The following TUSC3 variants were observed in gnomAD, a reference collection of about 807,000 sequenced individuals.
TUSC3 encodes dolichyl-diphosphooligosaccharide--protein glycosyltransferase subunit TUSC3.
Under a neutral mutation model 44.8 loss-of-function variants are expected in TUSC3, and 45 were observed. The ratio of observed to expected loss-of-function variants is 1.00; its 90% CI spans 0.79 to 1.29. The LOEUF (loss-of-function observed/expected upper bound fraction) is 1.29, where lower values mean the gene tolerates loss of function less well. Among genes scored for constraint, TUSC3 ranks in the 50% most tolerant of loss-of-function variants. The probability of loss-of-function intolerance (pLI) is 0.00; values close to 1 mark genes in which losing one functional copy is unlikely to be tolerated. For missense variants in TUSC3, 519 were observed against 437.9 expected (o/e 1.19, Z -1.65); for synonymous variants, 212 against 152.9 (o/e 1.39, Z -2.85).
chr8:15,477,164 A>G lies in TUSC3; in HGVS notation n.92-6222A>G, dbSNP rs143733823. ...TCTTTTGATTTAGTTCTGGGAAGTC[A>G]GCATGAATCGACCTTAGGTTCCCTG... is the stretch of plus-strand genomic sequence containing the variant. On this transcript the variant is annotated intron_variant and non_coding_transcript_variant, in intron 1 of 5. Transcript: ENST00000503191. Among the ~76,000 whole-genome samples, 311 of 152,296 alleles carry G rather than the reference A, an allele frequency of 2.0e-3. 1 individual carries two copies. Among genetic ancestry groups the G allele is most frequent in the African/African-American group, 6.8e-3 (281 of 41,578 alleles).
At chr8:15,664,509 G>A (rs1032161094) in intron 5 of TUSC3, among the ~76,000 whole-genome samples, 9 of 148,486 alleles carry the variant, frequency 6.1e-5, no homozygotes, top group Non-Finnish European at 3.0e-5. Context: ...ATCTTGGAAA[G>A]CGAATTAACT....
the TUSC3 span, among the ~76,000 whole-genome samples, chr8:15,846,981 G>A: frequency 6.6e-6 from 1 of 151,930 alleles, no homozygotes; most frequent in East Asian, 1.9e-4. Context: ...CTAACTCTCA[G>A]ACTCACAAGC....
At chr8:15,617,466 A>T (rs1341600273) in intron 1 of TUSC3, among the ~76,000 whole-genome samples, 1 of 152,028 alleles carries the variant, frequency 6.6e-6, no homozygotes, top group African/African-American at 2.4e-5. Context: ...GCCACACATT[A>T]ATATGGATGC....
At chr8:15,421,648 G>A (rs1031352768) in intron 1 of TUSC3, among the ~76,000 whole-genome samples, 2 of 152,032 alleles carry the variant, frequency 1.3e-5, no homozygotes, top group South Asian at 4.1e-4. Flanking sequence ...TTTGCGTTTT[G>A]TCCACTAATG....
In TUSC3 at chr8:15,511,404, G is replaced by C. The variant is rs113638534; in HGVS notation, n.189+27921G>C. 4.8e-3 allele frequency among the ~76,000 whole-genome samples: 730 copies of C among 152,256 alleles called. 9 individuals are homozygous for C. Among genetic ancestry groups the C allele is most frequent in the African/African-American group, 0.015 (634 of 41,544 alleles). On this transcript the variant is annotated intron_variant and non_coding_transcript_variant, in intron 2 of 5. Coordinates refer to the TUSC3 transcript ENST00000503191. ...AAAATGTGATGGAATATACAAAATA[G>C]TTACTAGAAATATGTGAATTTAGCA...
At chr8:15,671,285 T>C (rs1164111010) in intron 5 of TUSC3, among the ~76,000 whole-genome samples, 1 of 152,010 alleles carries the variant, frequency 6.6e-6, no homozygotes, top group Non-Finnish European at 1.5e-5. Context: ...AATCTAGCTG[T>C]AACTATGAAT....
intron 1 of TUSC3, among the ~76,000 whole-genome samples, chr8:15,461,805 G>A (rs1219509037): frequency 6.6e-6 from 1 of 151,064 alleles, no homozygotes; most frequent in African/African-American, 2.4e-5. Flanking sequence ...TTAAAAGATA[G>A]CAAAAATAAA....
In TUSC3 at chr8:15,752,071, A is replaced by AT. The variant is rs545395810; in HGVS notation, c.1028+3607dup. Among the ~76,000 whole-genome samples, 104 of 152,304 alleles carry AT rather than the reference A, an allele frequency of 6.8e-4. No individual in the cohort carries two copies. In the East Asian group the frequency reaches 0.013, roughly 19 times the overall value. On this transcript the variant is annotated intron_variant, in intron 9 of 10. Coordinates refer to ENST00000503731, the MANE Select transcript of TUSC3 (RefSeq NM_006765.4). ...CATCCATGAACCGGGGAATAACAAT[A>AT]TAAAGTGTCACAAGCTAAGTGGCTG...
At chr8:15,842,600 A>T in the TUSC3 span, among the ~76,000 whole-genome samples, 1 of 152,172 alleles carries the variant, frequency 6.6e-6, no homozygotes, top group South Asian at 2.1e-4. Flanking sequence ...ATGCAAAGCA[A>T]GATTTGTACA....
At chr8:15,816,055 G>C in the TUSC3 span, among the ~76,000 whole-genome samples, 1 of 152,120 alleles carries the variant, frequency 6.6e-6, no homozygotes, top group African/African-American at 2.4e-5. Context: ...AGTTTACCCA[G>C]TGTATTGTGT....
In TUSC3 at chr8:15,477,723, A is replaced by T. The variant is rs142865039; in HGVS notation, n.92-5663A>T. 1.9e-3 allele frequency among the ~76,000 whole-genome samples: 290 copies of T among 152,266 alleles called. 1 individual carries two copies. The East Asian group carries it at 0.034, about 18-fold the overall frequency. On this transcript the variant is annotated intron_variant and non_coding_transcript_variant, in intron 1 of 5. Coordinates refer to the TUSC3 transcript ENST00000503191. ...GCAACAGAGTGAGACTCTGTCTCAAAAAACAAATAATAATAATTATAGTGA... is the reference window on the plus strand; with the variant it reads ...GCAACAGAGTGAGACTCTGTCTCAATAAACAAATAATAATAATTATAGTGA...
At chr8:15,459,277 T>A (rs1800308027) in intron 1 of TUSC3, among the ~76,000 whole-genome samples, 1 of 152,216 alleles carries the variant, frequency 6.6e-6, no homozygotes, top group South Asian at 2.1e-4. Flanking sequence ...TTCAGGAAGT[T>A]TTTGTCTTCT....
chr8:15,729,065 G>T (rs1585274884), intron 6 of TUSC3, among the ~76,000 whole-genome samples: 1 of 152,196 alleles, frequency 6.6e-6, no homozygotes, highest in East Asian at 1.9e-4. Context: ...AAAATAAACA[G>T]AAGAGATTAT....
chr8:15,811,464 C>T, the TUSC3 span, among the ~76,000 whole-genome samples: 5 of 152,088 alleles, frequency 3.3e-5, no homozygotes, highest in East Asian at 1.9e-4. Context: ...CCTTTTCTGC[C>T]GACATTTCAC....
At chr8:15,523,716 A>G (rs1463529911) in intron 2 of TUSC3, among the ~76,000 whole-genome samples, 3 of 119,502 alleles carry the variant, frequency 2.5e-5, no homozygotes, top group East Asian at 4.6e-4. Context: ...GTGTATATAT[A>G]TATATATATA....
At chr8:15,779,279 G>C in the TUSC3 span, among the ~76,000 whole-genome samples, 2 of 152,074 alleles carry the variant, frequency 1.3e-5, no homozygotes, top group African/African-American at 4.8e-5. Context: ...TGTTGCCCAG[G>C]CTAGTCTTGA....
At chr8:15,593,152 C>G (rs1803924600) in intron 1 of TUSC3, among the ~76,000 whole-genome samples, 1 of 152,088 alleles carries the variant, frequency 6.6e-6, no homozygotes, top group Non-Finnish European at 1.5e-5. Flanking sequence ...GTGGTGTGAT[C>G]TTGGCTCACT....
chr8:15,462,162 C>G (rs1800354768), intron 1 of TUSC3, among the ~76,000 whole-genome samples: 1 of 152,070 alleles, frequency 6.6e-6, no homozygotes. Context: ...ATAATAATAA[C>G]TTTAGCATGT....
chr8:15,516,067 C>T (rs1471551668), intron 2 of TUSC3, among the ~76,000 whole-genome samples: 2 of 152,124 alleles, frequency 1.3e-5, no homozygotes, highest in African/African-American at 4.8e-5. Flanking sequence ...TAGAGGACTT[C>T]AGAAGAATGT....
Sources: allele counts gnomAD v4.1 joint callset (sites outside exome capture counted in the v4.1 genomes callset), GRCh38; gene constraint gnomAD v4.1.1; transcripts MANE v1.5; gene names NCBI Gene and HGNC (gene_info 2026-07-23, HGNC 2026-07-21).